CYP11B2: variants seen among roughly 807,000 people sequenced by gnomAD.
CYP11B2 encodes the protein cytochrome P450 family 11 subfamily B member 2, also known as cytochrome P450 11B2, mitochondrial.
A neutral mutation model predicts 49.3 loss-of-function variants in CYP11B2; 38 were observed. That is an observed-to-expected ratio of 0.77 (90% confidence interval 0.59 to 1.01). CYP11B2 has a LOEUF of 1.01. Among genes scored for constraint, CYP11B2 ranks in the 50% least tolerant of loss-of-function variants. The probability of loss-of-function intolerance (pLI) is 0.00; values close to 1 mark genes in which losing one functional copy is unlikely to be tolerated. For synonymous variants in CYP11B2, 290 were observed against 269.3 expected, an observed-to-expected ratio of 1.08 and a Z score of -0.75; for missense variants, 669 against 655.5, an observed-to-expected ratio of 1.02 and a Z score of -0.23.
intron 8 of CYP11B2, among the ~76,000 whole-genome samples, 160 bp from the exon 9 acceptor site, chr8:142,912,253 G>A (rs1278501706): frequency 6.6e-6 from 1 of 151,966 alleles, no homozygotes. Flanking sequence ...TACGGACCAG[G>A]CCCAGACTGA....
At chr8:142,917,490 G>T in intron 1 of CYP11B2, 112 bp downstream of exon 1, 1 of 1,613,108 alleles carries the variant, frequency 6.2e-7, no homozygotes, top group Non-Finnish European at 8.5e-7. Context: ...TCCTCCAAAG[G>T]ATGCAGAGTG....
Position 142,913,428 on chromosome 8 carries a change from C to T in CYP11B2, c.978G>A (p.Thr326=), listed in dbSNP as rs374863640. The T allele has an allele frequency of 1.5e-5, 25 of 1,613,914 alleles. No individual in the cohort carries two copies. The highest frequency in any genetic ancestry group is 1.9e-5 in the Non-Finnish European group (22 of 1,180,020). The change falls in exon 6 of 9, where the codon ACG becomes ACA. Residue 326 remains threonine (T), a synonymous_variant. Coordinates refer to ENST00000323110, the MANE Select transcript of CYP11B2 (RefSeq NM_000498.3). ...CGGGGTTCCGAGCCAGCTCAAAGAGCGTCATCAGCAAGGGAAACGCTGTCT... is the reference window on the plus strand; with the variant it reads ...CGGGGTTCCGAGCCAGCTCAAAGAGTGTCATCAGCAAGGGAAACGCTGTCT... ...VDTTAFPLLM[T]LFELARNPDV...
At chr8:142,916,093 C>T (rs373678859) in intron 2 of CYP11B2, among the ~76,000 whole-genome samples, 9 of 151,894 alleles carry the variant, frequency 5.9e-5, no homozygotes, top group African/African-American at 1.7e-4. Flanking sequence ...CACACAGACA[C>T]GTGCACACAC....
chr8:142,914,746 C>T lies in CYP11B2; in HGVS notation c.758G>A (p.Trp253Ter). Residue 253 changes from tryptophan (W) to a stop codon, truncating the protein, a stop_gained, in exon 4 of 9, where the codon TGG becomes TAG. Transcript: ENST00000323110. LOFTEE classifies it high-confidence loss of function. ...SLSRWISPKV[W>*]KEHFEAWDCI... The stretch of plus-strand genomic sequence containing the variant: ...GTCCCAGGCCTCAAAGTGCTCCTTC[C>T]ACACCTTGGGGCTGATCCAGCGAGA... 1 of 1,613,272 alleles carries T rather than the reference C, an allele frequency of 6.2e-7. No homozygotes were observed. Among genetic ancestry groups the T allele is most frequent in the Non-Finnish European group, 8.5e-7 (1 of 1,179,818 alleles).
chr8:142,917,248 G>T, intron 1 of CYP11B2, 34 bp from the exon 2 acceptor site: 1 of 1,610,266 alleles, frequency 6.2e-7, no homozygotes, highest in South Asian at 1.1e-5. Context: ...TGCTGGACGG[G>T]GTCATGTCCC....
In CYP11B2 at chr8:142,914,304, T is replaced by C; in HGVS notation, c.914A>G (p.Lys305Arg). 6.2e-7 allele frequency: 1 copy of C among 1,614,166 alleles called. No homozygotes were observed. Among genetic ancestry groups the C allele is most frequent in the Non-Finnish European group, 8.5e-7 (1 of 1,180,028 alleles). ...TGCAGTGAGTTCCATAGAGTTGGCC[T>C]TGATGGCTTCTAGTGACAGTTCCGC... ...LKAELSLEAI[K>R]ANSMELTAGS... The change falls in exon 5 of 9, where the codon AAG becomes AGG. Residue 305 changes from lysine (K) to arginine (R), a missense_variant. By Grantham distance (26) the Lys-to-Arg change is conservative (BLOSUM62 2). Transcript: ENST00000323110.
intron 4 of CYP11B2, 44 bp downstream of exon 4, chr8:142,914,661 A>G (rs766313198): frequency 1.0e-5 from 16 of 1,547,372 alleles, no homozygotes; most frequent in Non-Finnish European, 1.4e-5. Context: ...TTGGGCCCCC[A>G]TGGTGTCCCT....
chr8:142,912,075 C>T lies in CYP11B2; in HGVS notation c.1417G>A (p.Val473Met). The change falls in exon 9 of 9, where the codon GTG becomes ATG. Residue 473 changes from valine (V) to methionine (M), a missense_variant. Val to Met is a conservative substitution (Grantham distance 21). Transcript: ENST00000323110. ...ATGTCCTCTTGAGTTAGTGTCTCCA[C>T]CAGGAAGTGCTTCAGCACCTAGGAC... ...LLHHVLKHFL[V>M]ETLTQEDIKM... The T allele has an allele frequency of 6.2e-7, 1 of 1,614,024 alleles. No individual in the cohort carries two copies. The highest frequency in any genetic ancestry group is 8.5e-7 in the Non-Finnish European group (1 of 1,179,972).
At position 142,911,795 on chromosome 8, in the gene CYP11B2, C is replaced by A; in HGVS notation, c.*185G>T. The A allele has an allele frequency of 1.2e-6, 1 of 849,972 alleles. No homozygotes were observed. The highest frequency in any genetic ancestry group is 1.7e-5 in the South Asian group (1 of 58,114). 52.7% of individuals were successfully genotyped at this position (849,972 alleles called of 1,614,324 possible). A position where few individuals can be genotyped will look rare whatever the true frequency, so the allele number is the denominator to read the frequency against. The stretch of plus-strand genomic sequence containing the variant: ...AAGATCGTCTCCAGCTGTGCCCTGG[C>A]CTTGCTATTTGACAAGCCTGGCAAG... On this transcript the variant is annotated 3_prime_UTR_variant, in exon 9 of 9. Transcript: ENST00000323110.
At chr8:142,916,328 G>T (rs901789500) in intron 2 of CYP11B2, 2 of 442,826 alleles carry the variant, frequency 4.5e-6, no homozygotes, top group African/African-American at 4.0e-5. Context: ...TCCCAATAGC[G>T]TTCCCTTCCT....
At chr8:142,913,628 T>A (rs1163030978) in intron 5 of CYP11B2, among the ~76,000 whole-genome samples, 177 bp from the exon 6 acceptor site, 1 of 151,944 alleles carries the variant, frequency 6.6e-6, no homozygotes, top group Non-Finnish European at 1.5e-5. Context: ...TTCCCTGACT[T>A]CTTCAGGGAA....
At chr8:142,916,642 G>A (rs956195105) in intron 2 of CYP11B2, 1 of 382,552 alleles carries the variant, frequency 2.6e-6, no homozygotes, top group Non-Finnish European at 5.2e-6. Flanking sequence ...CCCTGAGGGA[G>A]GCTGTGGCCC....
At chr8:142,913,535 G>A (rs1191244329) in intron 5 of CYP11B2, 84 bp from the exon 6 acceptor site, 21 of 1,526,368 alleles carry the variant, frequency 1.4e-5, no homozygotes, top group Non-Finnish European at 1.9e-5. Flanking sequence ...ACCTCCCTCT[G>A]AGGGGTGGAG....
intron 4 of CYP11B2, 94 bp from the exon 5 acceptor site, chr8:142,914,512 C>T: frequency 2.1e-6 from 3 of 1,459,606 alleles, no homozygotes; most frequent in Non-Finnish European, 2.8e-6. Flanking sequence ...ACACCCAAAT[C>T]TCCCTGCTCT....
At chr8:142,914,657 C>T (rs1817607028) in intron 4 of CYP11B2, 48 bp downstream of exon 4, 6 of 1,527,418 alleles carry the variant, frequency 3.9e-6, no homozygotes, top group Non-Finnish European at 5.3e-6. Context: ...GAAATTGGGC[C>T]CCCATGGTGT....
At position 142,911,639 on chromosome 8, in the gene CYP11B2, T is replaced by C. The variant is rs530461583; in HGVS notation, c.*341A>G. 2.4e-4 allele frequency: 86 copies of C among 356,078 alleles called. No individual in the cohort carries two copies. In the East Asian group the frequency reaches 5.3e-3, roughly 22 times the overall value. The allele number at this position is 356,078 out of a possible 1,614,324, so 22.1% of individuals were successfully genotyped here. A position where few individuals can be genotyped will look rare whatever the true frequency, so the allele number is the denominator to read the frequency against. ...CTAGGCAGGAAGGCAAGGGACAAAA[T>C]CACAGCACCCTTGCATGGCCTCATG... On this transcript the variant is annotated 3_prime_UTR_variant, in exon 9 of 9. Transcript: ENST00000323110.
At position 142,914,801 on chromosome 8, in the gene CYP11B2, C is replaced by T. The variant is rs149706111; in HGVS notation, c.703G>A (p.Val235Ile). The change falls in exon 4 of 9, where the codon GTC (valine) becomes ATC (isoleucine). Residue 235 changes from valine (V) to isoleucine (I), a missense_variant. Physicochemically the swap from Val to Ile is conservative, Grantham distance 29. Coordinates refer to ENST00000323110, the MANE Select transcript of CYP11B2 (RefSeq NM_000498.3). ...CTCCTGGGCATGAACATGAGCTGGA[C>T]GGTGGATTTGAACATGACCTCCAGG... ...HALEVMFKSTVQLMFMPRSLS... is the reference protein window; with the variant it reads ...HALEVMFKSTIQLMFMPRSLS... The T allele has an allele frequency of 7.3e-5, 117 of 1,613,618 alleles. No homozygotes were observed. The African/African-American group carries it at 1.3e-3, about 18-fold the overall frequency.
chr8:142,912,529 C>T lies in CYP11B2; in HGVS notation c.1398+1G>A, dbSNP rs539836429. 8.4e-5 allele frequency: 134 copies of T among 1,602,662 alleles called. No homozygotes were observed. Among genetic ancestry groups the T allele is most frequent in the Non-Finnish European group, 1.0e-4 (121 of 1,170,338 alleles). ...CCGCCCCCGCCCCCAGGCCTGCTTACGTGGTGCAGCAGCAGCAGCATCTCT... is the reference window on the plus strand; with the variant it reads ...CCGCCCCCGCCCCCAGGCCTGCTTATGTGGTGCAGCAGCAGCAGCATCTCT... On this transcript the variant is annotated splice_donor_variant, in intron 8 of 8. Transcript: ENST00000323110. LOFTEE classifies it high-confidence loss of function.
In CYP11B2 at chr8:142,912,803, T is replaced by A; in HGVS notation, c.1200+4A>T. On this transcript the variant is annotated splice_donor_region_variant and intron_variant, in intron 7 of 8. Coordinates refer to ENST00000323110, the MANE Select transcript of CYP11B2 (RefSeq NM_000498.3). ...TCAGCTCGAGGGGTGTGGGGCTCACTCACCCCAGCTGGGATGTGGTAGTTC... is the reference window on the plus strand; with the variant it reads ...TCAGCTCGAGGGGTGTGGGGCTCACACACCCCAGCTGGGATGTGGTAGTTC... The A allele has an allele frequency of 6.2e-7, 1 of 1,613,504 alleles. No homozygotes were observed. Among genetic ancestry groups the A allele is most frequent in the Non-Finnish European group, 8.5e-7 (1 of 1,179,592 alleles).
Sources: allele counts gnomAD v4.1 joint callset (sites outside exome capture counted in the v4.1 genomes callset), GRCh38; gene constraint gnomAD v4.1.1; transcripts MANE v1.5; gene names NCBI Gene and HGNC (gene_info 2026-07-23, HGNC 2026-07-21).